The following DLGAP4 variants were observed in gnomAD, a reference collection of about 807,000 sequenced individuals.
The protein encoded by DLGAP4 is DLG associated protein 4, also known as disks large-associated protein 4.
Under a neutral mutation model 86.9 loss-of-function variants are expected in DLGAP4, and 18 were observed. The observed-to-expected ratio is 0.21, with a 90% CI of 0.14 to 0.31. The LOEUF (loss-of-function observed/expected upper bound fraction) is 0.31, where lower values mean the gene tolerates loss of function less well. Ranked by LOEUF, DLGAP4 falls within the 10% of genes least tolerant of loss-of-function variation. The pLI, the probability that DLGAP4 is intolerant of heterozygous loss-of-function variation, is 1.00. For missense variants in DLGAP4, 1,085 were observed against 1,362.6 expected (o/e 0.80, Z 3.21); for synonymous variants, 548 against 574.3 (o/e 0.95, Z 0.65).
At chr20:36,484,756 G>T (rs1034673918) in intron 7 of DLGAP4, among the ~76,000 whole-genome samples, 1 of 152,276 alleles carries the variant, frequency 6.6e-6, no homozygotes, top group Non-Finnish European at 1.5e-5. Flanking sequence ...AAGGGAGGGG[G>T]CTGGAGCCCT....
intron 2 of DLGAP4, among the ~76,000 whole-genome samples, chr20:36,411,314 T>C (rs1027356243): frequency 1.3e-5 from 2 of 152,032 alleles, no homozygotes; most frequent in African/African-American, 2.4e-5. Context: ...TGTCTGAGGG[T>C]CTGCTTCTCG....
intron 10 of DLGAP4, chr20:36,512,571 C>G (rs1234405777): frequency 1.3e-5 from 2 of 152,316 alleles, no homozygotes; most frequent in African/African-American, 4.8e-5. Context: ...TACCAAATAA[C>G]CAAATGTGGT....
At chr20:36,440,640 G>T (rs1302492472) in intron 5 of DLGAP4, among the ~76,000 whole-genome samples, 3 of 152,146 alleles carry the variant, frequency 2.0e-5, no homozygotes, top group African/African-American at 7.2e-5. Flanking sequence ...AGAAGACAAA[G>T]TTGGGCAGGG....
chr20:36,460,554 G>A (rs1431629045), intron 7 of DLGAP4, among the ~76,000 whole-genome samples: 1 of 152,220 alleles, frequency 6.6e-6, no homozygotes, highest in Non-Finnish European at 1.5e-5. Flanking sequence ...ACAGATGCGA[G>A]AAAGGAAAGG....
intron 2 of DLGAP4, among the ~76,000 whole-genome samples, chr20:36,382,913 C>T (rs995979513): frequency 1.3e-5 from 2 of 152,128 alleles, no homozygotes; most frequent in East Asian, 1.9e-4. Flanking sequence ...ACATAGTAGA[C>T]ACTCAACATG....
At chr20:36,412,941 T>C (rs1026100924) in intron 2 of DLGAP4, among the ~76,000 whole-genome samples, 1 of 152,072 alleles carries the variant, frequency 6.6e-6, no homozygotes. Flanking sequence ...TTCACAGTGT[T>C]GTACAGCCAT....
chr20:36,500,156 C>A lies in DLGAP4; in HGVS notation c.2100-43C>A. 6.7e-7 allele frequency: 1 copy of A among 1,501,330 alleles called. No individual in the cohort carries two copies. The allele number at this position is 1,501,330 out of a possible 1,614,324, so 93.0% of individuals were successfully genotyped here. The stretch of plus-strand genomic sequence containing the variant: ...CTCTGGTCTCTGGCCCTCTTGGTGA[C>A]TCACTCCTTCCTGTCCCCACCCCAT... On this transcript the variant is annotated intron_variant, in intron 9 of 12. Coordinates refer to ENST00000339266, the MANE Select transcript of DLGAP4 (RefSeq NM_001365621.2). This position sits in a 1 kb window ranked among gnomAD's most constrained non-coding sequence, Gnocchi z 4.6.
At chr20:36,368,396 T>A (rs2030778714) in intron 2 of DLGAP4, among the ~76,000 whole-genome samples, 1 of 152,250 alleles carries the variant, frequency 6.6e-6, no homozygotes, top group South Asian at 2.1e-4. Context: ...AATATGCAAA[T>A]GTAATGGGAT....
At chr20:36,360,634 G>A (rs1555894155) in intron 1 of DLGAP4, among the ~76,000 whole-genome samples, 1 of 152,056 alleles carries the variant, frequency 6.6e-6, no homozygotes, top group Admixed American at 6.6e-5. Flanking sequence ...TAGCTGGAAG[G>A]GTGGGGGGAG....
At chr20:36,343,051 C>T (rs936341651) in intron 1 of DLGAP4, among the ~76,000 whole-genome samples, 8 of 152,046 alleles carry the variant, frequency 5.3e-5, no homozygotes, top group Admixed American at 3.9e-4. Flanking sequence ...TAGAGAGGAG[C>T]GGGGACTGCT....
At chr20:36,360,493 G>A (rs1405102090) in intron 1 of DLGAP4, among the ~76,000 whole-genome samples, 3 of 152,162 alleles carry the variant, frequency 2.0e-5, no homozygotes, top group African/African-American at 4.8e-5. Flanking sequence ...CCACGACCCC[G>A]TTCTGGTGTG....
chr20:36,404,506 C>T (rs2032255423), intron 2 of DLGAP4, among the ~76,000 whole-genome samples: 1 of 152,218 alleles, frequency 6.6e-6, no homozygotes, highest in South Asian at 2.1e-4. Flanking sequence ...CACATCCCTC[C>T]ACTCCTGAAA....
intron 2 of DLGAP4, among the ~76,000 whole-genome samples, chr20:36,381,518 G>T (rs1041829573): frequency 6.6e-6 from 1 of 152,212 alleles, no homozygotes; most frequent in African/African-American, 2.4e-5. Context: ...CCTCCCTTCA[G>T]AAGAAGCAGG....
intron 7 of DLGAP4, among the ~76,000 whole-genome samples, chr20:36,456,777 C>A (rs535861783): frequency 1.8e-4 from 27 of 152,336 alleles, no homozygotes; most frequent in Admixed American, 7.2e-4. Context: ...GACTGGTGGG[C>A]AGGCCTCCAA....
At chr20:36,520,608 A>G (rs2037317363) in intron 10 of DLGAP4, among the ~76,000 whole-genome samples, 1 of 152,230 alleles carries the variant, frequency 6.6e-6, no homozygotes, top group African/African-American at 2.4e-5. Context: ...CAGCCTCTCA[A>G]AGGGCTAGGA....
chr20:36,378,020 G>A (rs760702162), intron 2 of DLGAP4, among the ~76,000 whole-genome samples: 1 of 152,214 alleles, frequency 6.6e-6, no homozygotes, highest in Non-Finnish European at 1.5e-5. Flanking sequence ...CAGCCTTGCT[G>A]ATTAGGGTAA....
chr20:36,412,626 T>C (rs894270336), intron 2 of DLGAP4, among the ~76,000 whole-genome samples: 1 of 152,190 alleles, frequency 6.6e-6, no homozygotes, highest in Non-Finnish European at 1.5e-5. Flanking sequence ...ACCTCCTTCA[T>C]AGGGCTGATT....
chr20:36,494,984 G>GTTTTTTTTT (rs752411826), intron 7 of DLGAP4, among the ~76,000 whole-genome samples: 23 of 75,402 alleles, frequency 3.1e-4, no homozygotes, highest in East Asian at 4.9e-4. Context: ...TTTTTGTTCG[G>GTTTTTTTTT]TTTTTTTTTT....
In DLGAP4 at chr20:36,432,637, A is replaced by G; in HGVS notation, c.920A>G (p.Gln307Arg). ...LTLSHAHEVC[Q>R]KTSATLDKSL... ...CTCAGCCACGCCCACGAGGTCTGCC[A>G]GAAGACCTCAGCCACCTTGGATAAG... Residue 307 changes from glutamine (Q) to arginine (R), a missense_variant, in exon 3 of 13, where the codon CAG becomes CGG. Gln to Arg is a conservative substitution (Grantham distance 43). Transcript: ENST00000339266. The surrounding 1 kb of genome is among the most constrained non-coding windows in gnomAD (Gnocchi z 6.5). The G allele has an allele frequency of 6.2e-7, 1 of 1,612,792 alleles. No individual in the cohort carries two copies. The highest frequency in any genetic ancestry group is 8.5e-7 in the Non-Finnish European group (1 of 1,179,584).
Sources: allele counts gnomAD v4.1 joint callset (sites outside exome capture counted in the v4.1 genomes callset), GRCh38; gene constraint gnomAD v4.1.1; non-coding constraint Gnocchi (gnomAD v3.1); transcripts MANE v1.5; gene names NCBI Gene and HGNC (gene_info 2026-07-23, HGNC 2026-07-21).